The following SFT2D1 variants were observed in gnomAD, a reference collection of about 807,000 sequenced individuals.
The protein encoded by SFT2D1 is SFT2 domain containing 1.
In SFT2D1, 24 loss-of-function variants were observed where a neutral mutation model predicts 28.1. That is an observed-to-expected ratio of 0.85 (90% CI 0.62 to 1.20). The LOEUF is 1.20. Among genes scored for constraint, SFT2D1 ranks in the 50% most tolerant of loss-of-function variants. The pLI is 0.00. For missense variants in SFT2D1, 181 were observed against 190.9 expected (o/e 0.95, Z 0.31); for synonymous variants, 82 against 73.7 (o/e 1.11, Z -0.58).
At chr6:166,335,405 A>G (rs1252820838) in intron 1 of SFT2D1, 3 of 570,292 alleles carry the variant, frequency 5.3e-6, no homozygotes, top group Non-Finnish European at 1.0e-5. Context: ...TTTTGGACCC[A>G]TAAAGGGAGG....
At chr6:166,338,400 C>T (rs974644239) in intron 1 of SFT2D1, among the ~76,000 whole-genome samples, 1 of 152,138 alleles carries the variant, frequency 6.6e-6, no homozygotes, top group Non-Finnish European at 1.5e-5. Context: ...AAGACAGCAC[C>T]TAGCGTACTT....
chr6:166,336,569 G>A (rs979543811), intron 1 of SFT2D1, among the ~76,000 whole-genome samples: 2 of 152,028 alleles, frequency 1.3e-5, no homozygotes, highest in African/African-American at 2.4e-5. Flanking sequence ...CAGCAGATTC[G>A]GCGTCTGGTG....
At chr6:166,322,689 C>CAAAAAA (rs1159615099) in intron 7 of SFT2D1, among the ~76,000 whole-genome samples, 168 bp downstream of exon 7, 1 of 54,702 alleles carries the variant, frequency 1.8e-5, no homozygotes, top group African/African-American at 6.2e-5. Flanking sequence ...GACTCTGTCT[C>CAAAAAA]AAAAAAAAAA....
intron 5 of SFT2D1, among the ~76,000 whole-genome samples, chr6:166,325,599 C>T (rs1778430693): frequency 6.6e-6 from 1 of 152,266 alleles, no homozygotes; most frequent in Non-Finnish European, 1.5e-5. Flanking sequence ...CGGCAGCACA[C>T]TTGCCTCACC....
chr6:166,328,408 G>C, intron 3 of SFT2D1, 51 bp from the exon 4 acceptor site: 1 of 1,072,250 alleles, frequency 9.3e-7, no homozygotes, highest in Non-Finnish European at 1.3e-6. Context: ...AATTTATCTG[G>C]TTATGCAAAA....
In SFT2D1 at chr6:166,328,310, T is replaced by A; in HGVS notation, c.281A>T (p.Glu94Val). ...AATTGTTGCAAGCAATCTTGTTGCT[T>A]CAAACATTTTCTTCAGTTGCTTCAC... is the stretch of plus-strand genomic sequence containing the variant. ...GPVKQLKKMF[E>V]ATRLLATIVM... Residue 94 changes from glutamate (E) to valine (V), a missense_variant, in exon 4 of 8, where the codon GAA becomes GTA. Glu to Val is a moderately radical substitution (Grantham distance 121). Coordinates refer to ENST00000361731, the MANE Select transcript of SFT2D1 (RefSeq NM_145169.3). The A allele has an allele frequency of 6.3e-7, 1 of 1,596,946 alleles. No individual in the cohort carries two copies. The highest frequency in any genetic ancestry group is 8.5e-7 in the Non-Finnish European group (1 of 1,172,864).
Position 166,330,317 on chromosome 6 carries a change from TAAAGC to T in SFT2D1, c.64-75_64-71del, listed in dbSNP as rs1778527799. 6 of 1,014,220 alleles carry T rather than the reference TAAAGC, an allele frequency of 5.9e-6. No homozygotes were observed. The South Asian group carries it at 7.8e-5, about 13-fold the overall frequency. 62.8% of individuals were successfully genotyped at this position (1,014,220 alleles called of 1,614,324 possible). ...ACCAATCTGATTCTTTATACTAAATTAAAGCAAAGTTTTAACACATAGTCTGAATC... is the reference window on the plus strand; with the variant it reads ...ACCAATCTGATTCTTTATACTAAATTAAAGTTTTAACACATAGTCTGAATC... On this transcript the variant is annotated intron_variant, in intron 1 of 7. Coordinates refer to ENST00000361731, the MANE Select transcript of SFT2D1 (RefSeq NM_145169.3).
intron 5 of SFT2D1, 95 bp from the exon 6 acceptor site, chr6:166,324,690 G>T: frequency 9.0e-7 from 1 of 1,109,266 alleles, no homozygotes; most frequent in Non-Finnish European, 1.3e-6. Flanking sequence ...AAATGTAGAT[G>T]ATGGCTTCAT....
intron 1 of SFT2D1, among the ~76,000 whole-genome samples, chr6:166,335,844 G>C (rs1778639445): frequency 6.6e-6 from 1 of 152,216 alleles, no homozygotes; most frequent in African/African-American, 2.4e-5. Flanking sequence ...AACTCAGTCA[G>C]CCAAGCACAG....
chr6:166,322,689 CAAAAAA>C (rs1159615099), intron 7 of SFT2D1, among the ~76,000 whole-genome samples, 162 bp downstream of exon 7: 3 of 54,712 alleles, frequency 5.5e-5, no homozygotes, highest in Non-Finnish European at 1.2e-4. Context: ...GACTCTGTCT[CAAAAAA>C]AAAAAAAAAA....
intron 2 of SFT2D1, among the ~76,000 whole-genome samples, chr6:166,329,869 T>G (rs1184932065): frequency 1.3e-5 from 2 of 152,230 alleles, no homozygotes; most frequent in Admixed American, 6.5e-5. Flanking sequence ...TAAATTTTCA[T>G]GCTAAATACC....
chr6:166,335,184 T>A, intron 1 of SFT2D1: 1 of 621,674 alleles, frequency 1.6e-6, no homozygotes, highest in Non-Finnish European at 3.0e-6. Flanking sequence ...ACTTTGGTGG[T>A]GGTTGTGGAG....
At chr6:166,325,809 A>G (rs567404324) in intron 5 of SFT2D1, 29 of 341,894 alleles carry the variant, frequency 8.5e-5, no homozygotes, top group African/African-American at 5.7e-4. Context: ...CCAGCTGGGT[A>G]GGTGAGCATG....
chr6:166,324,475 A>C lies in SFT2D1; in HGVS notation c.410+62T>G, dbSNP rs1333026991. On this transcript the variant is annotated intron_variant, in intron 6 of 7. Transcript: ENST00000361731. ...AAATGCTAGGGCTTCACAGGTCCCA[A>C]ACAAAATGCTCGTCACGTCTCAGGC... 4 of 1,538,232 alleles carry C rather than the reference A, an allele frequency of 2.6e-6. 1 individual carries two copies. The highest frequency in any genetic ancestry group is 3.6e-6 in the Non-Finnish European group (4 of 1,123,262).
chr6:166,342,453 C>A lies in SFT2D1; in HGVS notation c.29G>T (p.Gly10Val), dbSNP rs868436174. Residue 10 changes from glycine to valine, a missense_variant, in exon 1 of 8, where the codon GGC (glycine) becomes GTC (valine). Coordinates refer to ENST00000361731, the MANE Select transcript of SFT2D1 (RefSeq NM_145169.3). MEKLRRVLS[G>V]QDDEEQGLTA... Reference sequence around the variant, plus strand: ...CAGGCCCTGCTCCTCGTCGTCCTGGCCGCTCAGGACTCGCCGCAGCTTCTC... The same window carrying A: ...CAGGCCCTGCTCCTCGTCGTCCTGGACGCTCAGGACTCGCCGCAGCTTCTC... 4 of 1,559,268 alleles carry A rather than the reference C, an allele frequency of 2.6e-6. No individual in the cohort carries two copies. In the East Asian group the frequency reaches 9.6e-5, roughly 37 times the overall value.
At chr6:166,332,798 C>T (rs979874411) in intron 1 of SFT2D1, among the ~76,000 whole-genome samples, 3 of 152,234 alleles carry the variant, frequency 2.0e-5, no homozygotes, top group Non-Finnish European at 4.4e-5. Context: ...GTAAGCACAG[C>T]ACTGCTTGCA....
chr6:166,341,448 TAAAAAAAA>T (rs35479577), intron 1 of SFT2D1, among the ~76,000 whole-genome samples: 1 of 128,492 alleles, frequency 7.8e-6, no homozygotes. Context: ...AGACTCCATC[TAAAAAAAA>T]AAAAAAAAAA....
chr6:166,324,386 G>T, intron 6 of SFT2D1, 151 bp downstream of exon 6: 1 of 630,284 alleles, frequency 1.6e-6, no homozygotes, highest in Non-Finnish European at 2.8e-6. Flanking sequence ...AGTGCAACAG[G>T]ACTCATCGCA....
intron 1 of SFT2D1, chr6:166,334,795 C>A: frequency 2.4e-6 from 1 of 410,328 alleles, no homozygotes; most frequent in East Asian, 5.8e-5. Context: ...GAGGTGGATG[C>A]GCCATGAATG....
Sources: allele counts gnomAD v4.1 joint callset (sites outside exome capture counted in the v4.1 genomes callset), GRCh38; gene constraint gnomAD v4.1.1; transcripts MANE v1.5; gene names NCBI Gene and HGNC (gene_info 2026-07-23, HGNC 2026-07-21).